The following ZNF521 variants were observed in gnomAD, a reference collection of about 807,000 sequenced individuals.
ZNF521 encodes the protein zinc finger protein 521.
Under a neutral mutation model 105.5 loss-of-function variants are expected in ZNF521, and 14 were observed. The observed-to-expected ratio is 0.13, with a 90% CI of 0.09 to 0.21. The LOEUF (loss-of-function observed/expected upper bound fraction) is 0.21, where lower values mean the gene tolerates loss of function less well. ZNF521 is among the 10% of genes least tolerant of loss of function. The probability of loss-of-function intolerance (pLI) is 1.00; values close to 1 mark genes in which losing one functional copy is unlikely to be tolerated. For synonymous variants in ZNF521, 635 were observed against 606.0 expected, an observed-to-expected ratio of 1.05 and a Z score of -0.70; for missense variants, 1,233 against 1,629.7, an observed-to-expected ratio of 0.76 and a Z score of 4.19.
Position 25,301,745 on chromosome 18 carries a change from C to A in ZNF521, c.220+20263G>T, listed in dbSNP as rs572717270. On this transcript the variant is annotated intron_variant, in intron 3 of 7. Coordinates refer to ENST00000361524, the MANE Select transcript of ZNF521 (RefSeq NM_015461.3). Reference sequence around the variant, plus strand: ...AGCAGCTAGGGACTGGAGAAGTACTCAAAAAGATGGAGTGGGGGGTAAGGA... The same window carrying A: ...AGCAGCTAGGGACTGGAGAAGTACTAAAAAAGATGGAGTGGGGGGTAAGGA... Among the ~76,000 whole-genome samples the A allele has an allele frequency of 6.6e-5, 10 of 152,220 alleles. 1 individual carries two copies. The highest frequency in any genetic ancestry group is 6.5e-4 in the Admixed American group (10 of 15,292).
In ZNF521 at chr18:25,210,946, T is replaced by C. The variant is rs550640328; in HGVS notation, c.3573+13399A>G. Among the ~76,000 whole-genome samples, 17 of 152,352 alleles carry C rather than the reference T, an allele frequency of 1.1e-4. 1 individual carries two copies. The highest frequency in any genetic ancestry group is 2.2e-4 in the African/African-American group (9 of 41,592). On this transcript the variant is annotated intron_variant, in intron 4 of 7. Coordinates refer to ENST00000361524, the MANE Select transcript of ZNF521 (RefSeq NM_015461.3). ...AAGCTTCTCCTCTTTACAAACCTGA[T>C]AGCTAATGCCTTGTGCATGGCAGGA...
chr18:25,070,410 C>T (rs774106632), intron 7 of ZNF521, among the ~76,000 whole-genome samples: 1 of 152,130 alleles, frequency 6.6e-6, no homozygotes, highest in Non-Finnish European at 1.5e-5. Context: ...AAACACTAGA[C>T]CATGTACCTA....
At chr18:25,142,365 A>G (rs1026988013) in intron 5 of ZNF521, among the ~76,000 whole-genome samples, 2 of 152,174 alleles carry the variant, frequency 1.3e-5, no homozygotes, top group Non-Finnish European at 2.9e-5. Context: ...AAGATCAAGC[A>G]ATTGCCATAA....
chr18:25,240,292 T>C (rs980061519), intron 3 of ZNF521, among the ~76,000 whole-genome samples: 1 of 152,132 alleles, frequency 6.6e-6, no homozygotes, highest in African/African-American at 2.4e-5. Flanking sequence ...CACTTCTGCC[T>C]TTATCAGACT....
chr18:25,203,981 C>A (rs2036036168), intron 4 of ZNF521, among the ~76,000 whole-genome samples: 1 of 151,994 alleles, frequency 6.6e-6, no homozygotes, highest in African/African-American at 2.4e-5. Flanking sequence ...GAGATGCGGT[C>A]ACTTAAAAGT....
At chr18:25,123,294 C>T (rs73400840) in intron 5 of ZNF521, among the ~76,000 whole-genome samples, 15 of 151,982 alleles carry the variant, frequency 9.9e-5, no homozygotes, top group African/African-American at 3.6e-4. Context: ...TCCATAGTCA[C>T]AATGGCATTA....
intron 7 of ZNF521, among the ~76,000 whole-genome samples, chr18:25,063,156 G>A (rs1453853830): frequency 6.6e-6 from 1 of 152,204 alleles, no homozygotes; most frequent in Non-Finnish European, 1.5e-5. Context: ...CAAGGAGCAG[G>A]TAGCACTGTT....
intron 5 of ZNF521, among the ~76,000 whole-genome samples, chr18:25,166,274 C>A (rs1473778184): frequency 6.6e-6 from 1 of 152,142 alleles, no homozygotes; most frequent in African/African-American, 2.4e-5. Context: ...ATTCTCTACC[C>A]TTTGACTGTA....
chr18:25,151,580 G>A (rs1367101066), intron 5 of ZNF521, among the ~76,000 whole-genome samples: 1 of 152,100 alleles, frequency 6.6e-6, no homozygotes, highest in Non-Finnish European at 1.5e-5. Flanking sequence ...TGAGTCTTTA[G>A]GTGTTCAGCT....
chr18:25,096,367 C>G (rs994759142), intron 5 of ZNF521, among the ~76,000 whole-genome samples: 1 of 152,124 alleles, frequency 6.6e-6, no homozygotes, highest in African/African-American at 2.4e-5. Context: ...TTTATAAAAC[C>G]TGGACCTACA....
At chr18:25,231,988 C>G (rs953427658) in intron 3 of ZNF521, among the ~76,000 whole-genome samples, 5 of 152,184 alleles carry the variant, frequency 3.3e-5, no homozygotes, top group African/African-American at 1.2e-4. Context: ...GCTACCTGAG[C>G]TTGTTCACTG....
At chr18:25,117,335 T>C (rs1021943227) in intron 5 of ZNF521, among the ~76,000 whole-genome samples, 10 of 151,952 alleles carry the variant, frequency 6.6e-5, no homozygotes, top group African/African-American at 1.9e-4. Context: ...AACAAAAATA[T>C]CAGCCTCCTC....
intron 3 of ZNF521, among the ~76,000 whole-genome samples, chr18:25,259,291 A>G (rs573099994): frequency 4.2e-4 from 64 of 152,316 alleles, no homozygotes; most frequent in Admixed American, 1.5e-3. Context: ...CATTCTAGGT[A>G]CAGTCTTGGC....
At chr18:25,238,920 C>T (rs1907115335) in intron 3 of ZNF521, among the ~76,000 whole-genome samples, 1 of 152,180 alleles carries the variant, frequency 6.6e-6, no homozygotes, top group South Asian at 2.1e-4. Context: ...TCTTCACCTG[C>T]ATTCCCAAGC....
At chr18:25,248,846 C>T (rs765475133) in intron 3 of ZNF521, among the ~76,000 whole-genome samples, 2 of 152,206 alleles carry the variant, frequency 1.3e-5, no homozygotes, top group Admixed American at 6.5e-5. Flanking sequence ...CTAAACTAAT[C>T]TATTTTAAGA....
At chr18:25,121,366 T>C (rs1478032087) in intron 5 of ZNF521, among the ~76,000 whole-genome samples, 1 of 151,188 alleles carries the variant, frequency 6.6e-6, no homozygotes, top group Non-Finnish European at 1.5e-5. Context: ...GCAATTCTCC[T>C]GCCTCAGCCT....
At chr18:25,308,663 C>A (rs1912127465) in intron 3 of ZNF521, among the ~76,000 whole-genome samples, 2 of 147,572 alleles carry the variant, frequency 1.4e-5, no homozygotes, top group Non-Finnish European at 3.0e-5. Context: ...CCCCCCCCCA[C>A]CCGCCACAGC....
At chr18:25,310,976 T>C (rs145618732) in intron 3 of ZNF521, among the ~76,000 whole-genome samples, 215 of 152,268 alleles carry the variant, frequency 1.4e-3, no homozygotes, top group African/African-American at 5.0e-3. Flanking sequence ...CCTTTAAACT[T>C]TGAGAAGCTC....
intron 5 of ZNF521, among the ~76,000 whole-genome samples, chr18:25,122,771 T>A (rs188658334): frequency 2.0e-5 from 3 of 152,016 alleles, no homozygotes; most frequent in Admixed American, 2.0e-4. Context: ...ACAGAAAAAA[T>A]TGGTAACTTG....
Sources: gnomAD v4.1 joint callset for allele counts (sites outside exome capture counted in the v4.1 genomes callset) on GRCh38, gnomAD v4.1.1 for gene constraint, MANE v1.5 for transcripts, NCBI Gene and HGNC (gene_info 2026-07-23, HGNC 2026-07-21) for gene names.